The following CEP63 variants were observed in gnomAD, a reference collection of about 807,000 sequenced individuals.
CEP63 encodes the protein centrosomal protein of 63 kDa.
CEP63 carries 84 observed loss-of-function variants against 89.1 expected under a neutral mutation model. The ratio of observed to expected loss-of-function variants is 0.94; its 90% CI spans 0.79 to 1.13. The LOEUF (loss-of-function observed/expected upper bound fraction) is 1.13. Ranked by LOEUF, CEP63 falls within the 50% of genes most tolerant of loss-of-function variation. The probability of loss-of-function intolerance (pLI) is 0.00; values close to 1 mark genes in which losing one functional copy is unlikely to be tolerated. For missense variants in CEP63, 838 were observed against 813.3 expected (o/e 1.03, Z -0.37); for synonymous variants, 267 against 272.5 (o/e 0.98, Z 0.20).
chr3:134,547,409 A>G lies in CEP63; in HGVS notation c.1004A>G (p.Gln335Arg), dbSNP rs774554712. Residue 335 changes from glutamine (Q) to arginine (R), a missense_variant, in exon 9 of 15, where the codon CAG (glutamine) becomes CGG (arginine). By Grantham distance (43) the Gln-to-Arg change is conservative. Coordinates refer to ENST00000675561, the MANE Select transcript of CEP63 (RefSeq NM_001353108.3). ...GGGGACTTAGACAGTGTGCTCTCCC[A>G]GTTGAATTTTACCCATACTAGTGAG... ...GQGDLDSVLS[Q>R]LNFTHTSEDL... The G allele has an allele frequency of 1.9e-6, 3 of 1,613,842 alleles. No homozygotes were observed. Among genetic ancestry groups the G allele is most frequent in the South Asian group, 1.1e-5 (1 of 91,078 alleles).
At chr3:134,605,369 A>G in the CEP63 span, among the ~76,000 whole-genome samples, 5 of 152,112 alleles carry the variant, frequency 3.3e-5, no homozygotes. Context: ...GTTGAGTGCA[A>G]AGGAAGGAGA....
chr3:134,645,684 C>T, the CEP63 span, among the ~76,000 whole-genome samples: 1 of 152,182 alleles, frequency 6.6e-6, no homozygotes, highest in Non-Finnish European at 1.5e-5. Context: ...GGGCTCAGGG[C>T]CTCTGTGGAG....
intron 4 of CEP63, among the ~76,000 whole-genome samples, 181 bp from the exon 5 acceptor site, chr3:134,532,593 ATTTC>A (rs1950061192): frequency 6.6e-6 from 1 of 152,126 alleles, no homozygotes; most frequent in African/African-American, 2.4e-5. Context: ...CTTTGAATAT[ATTTC>A]TTTAGTAGTG....
the CEP63 span, among the ~76,000 whole-genome samples, chr3:134,609,368 G>C: frequency 2.5e-4 from 38 of 152,266 alleles, 1 homozygote; most frequent in South Asian, 7.7e-3. Flanking sequence ...GGGTGGCTTT[G>C]CTCTGCCTAA....
intron 1 of CEP63, among the ~76,000 whole-genome samples, chr3:134,495,054 A>G (rs1939307669): frequency 6.6e-6 from 1 of 152,204 alleles, no homozygotes; most frequent in African/African-American, 2.4e-5. Context: ...GATATTTGAT[A>G]TTTACACGGA....
At chr3:134,773,956 G>A in the CEP63 span, among the ~76,000 whole-genome samples, 1 of 152,200 alleles carries the variant, frequency 6.6e-6, no homozygotes, top group Non-Finnish European at 1.5e-5. Flanking sequence ...CAGGGACCTT[G>A]GCTGTCTTGC....
At chr3:134,532,927 T>A in intron 5 of CEP63, 27 bp downstream of exon 5, 1 of 1,611,690 alleles carries the variant, frequency 6.2e-7, no homozygotes. Flanking sequence ...AATTTGTTCA[T>A]AGTGATTGTC....
In CEP63 at chr3:134,561,487, A is replaced by G. The variant is rs767482060; in HGVS notation, c.2064A>G (p.Leu688=). 95 of 1,613,906 alleles carry G rather than the reference A, an allele frequency of 5.9e-5. No homozygotes were observed. Among genetic ancestry groups the G allele is most frequent in the Non-Finnish European group, 8.0e-5 (94 of 1,179,944 alleles). ...LERLDAHIEE[L]KRESEKTVRQ... is the part of the protein sequence containing the mutation. ...GCTTGGATGCCCATATTGAAGAACTAAAAAGAGAGAGTGAAAAGACAGTGA... is the reference window on the plus strand; with the variant it reads ...GCTTGGATGCCCATATTGAAGAACTGAAAAGAGAGAGTGAAAAGACAGTGA... The change falls in exon 15 of 15, where the codon CTA becomes CTG. Residue 688 remains leucine (L), a synonymous_variant. Transcript: ENST00000675561.
chr3:134,533,824 CCA>C (rs1230972217), intron 5 of CEP63, among the ~76,000 whole-genome samples: 1 of 152,136 alleles, frequency 6.6e-6, no homozygotes, highest in African/African-American at 2.4e-5. Context: ...GACCTGTCAC[CCA>C]CAAATGCCAG....
At position 134,551,908 on chromosome 3, in the gene CEP63, C is replaced by G. The variant is rs1261121478; in HGVS notation, c.1381-18C>G. 1 of 1,558,914 alleles carries G rather than the reference C, an allele frequency of 6.4e-7. No individual in the cohort carries two copies. ...ATTTACATGTTATATTTATTTTTTT[C>G]TGTTTTCCCCTTTTCAGGAGATTTT... is the stretch of plus-strand genomic sequence containing the variant. On this transcript the variant is annotated intron_variant, in intron 11 of 14. Coordinates refer to ENST00000675561, the MANE Select transcript of CEP63 (RefSeq NM_001353108.3).
chr3:134,548,645 C>G (rs1954133342), intron 9 of CEP63, among the ~76,000 whole-genome samples: 2 of 135,056 alleles, frequency 1.5e-5, no homozygotes. Flanking sequence ...TTTAGGTTAT[C>G]TTTAAGTAAT....
chr3:134,767,187 C>G, the CEP63 span, among the ~76,000 whole-genome samples: 7 of 152,136 alleles, frequency 4.6e-5, no homozygotes, highest in Admixed American at 6.5e-5. Flanking sequence ...CCTTTCAAAC[C>G]AATGCATTAA....
intron 11 of CEP63, among the ~76,000 whole-genome samples, chr3:134,571,797 A>G (rs550267982): frequency 2.2e-4 from 33 of 152,352 alleles, no homozygotes; most frequent in African/African-American, 5.8e-4. Flanking sequence ...ATGTAGTATT[A>G]TATGCACTTC....
the CEP63 span, among the ~76,000 whole-genome samples, chr3:134,756,141 T>G: frequency 6.6e-6 from 1 of 152,212 alleles, no homozygotes; most frequent in Non-Finnish European, 1.5e-5. Context: ...CACTTCAGTA[T>G]TTTGGGTCTA....
the CEP63 span, among the ~76,000 whole-genome samples, chr3:134,628,895 C>T: frequency 6.6e-6 from 1 of 152,234 alleles, no homozygotes. Flanking sequence ...ATCCTGACTG[C>T]TGATGACTAC....
At chr3:134,701,072 C>G in the CEP63 span, among the ~76,000 whole-genome samples, 1 of 151,462 alleles carries the variant, frequency 6.6e-6, no homozygotes, top group Admixed American at 6.6e-5. Flanking sequence ...GAAGAGGACA[C>G]ATGTGTTCAA....
intron 3 of CEP63, among the ~76,000 whole-genome samples, chr3:134,523,565 A>G (rs1309498915): frequency 6.6e-6 from 1 of 152,078 alleles, no homozygotes; most frequent in Non-Finnish European, 1.5e-5. Context: ...TTAATTCTGT[A>G]TATAATACAA....
At chr3:134,581,693 T>TTTTTTTA (rs1958352819) in intron 10 of CEP63, among the ~76,000 whole-genome samples, 1 of 143,990 alleles carries the variant, frequency 6.9e-6, no homozygotes, top group Non-Finnish European at 1.5e-5. Flanking sequence ...TTTTTTTTTT[T>TTTTTTTA]GAGACGGAGT....
the CEP63 span, among the ~76,000 whole-genome samples, chr3:134,620,392 T>C: frequency 6.6e-6 from 1 of 152,136 alleles, no homozygotes; most frequent in African/African-American, 2.4e-5. Flanking sequence ...TCCCCACCAA[T>C]GGTAATCCTT....
Sources: gnomAD v4.1 joint callset for allele counts (sites outside exome capture counted in the v4.1 genomes callset) on GRCh38, gnomAD v4.1.1 for gene constraint, MANE v1.5 for transcripts, NCBI Gene and HGNC (gene_info 2026-07-23, HGNC 2026-07-21) for gene names.